ADGRG1: variants seen among roughly 807,000 people sequenced by gnomAD.
ADGRG1 encodes the protein 7-transmembrane protein with no EGF-like N-terminal domains-1.
A neutral mutation model predicts 73.5 loss-of-function variants in ADGRG1; 53 were observed. The ratio of observed to expected loss-of-function variants is 0.72; its 90% confidence interval spans 0.58 to 0.91. The LOEUF (loss-of-function observed/expected upper bound fraction) is 0.91. Ranked by LOEUF, ADGRG1 falls within the 40% of genes least tolerant of loss-of-function variation. The pLI is 0.00. For missense variants in ADGRG1, 795 were observed against 871.8 expected (o/e 0.91, Z 1.11); for synonymous variants, 394 against 374.4 (o/e 1.05, Z -0.60).
At chr16:57,635,449 T>C in intron 1 of ADGRG1, 3 of 985,366 alleles carry the variant, frequency 3.0e-6, no homozygotes, top group Non-Finnish European at 3.6e-6. Flanking sequence ...TTGCCAGCCA[T>C]GGTGGGGGAG....
Position 57,659,481 on chromosome 16 carries a change from C to G in ADGRG1, c.1355C>G (p.Thr452Arg). The G allele has an allele frequency of 6.2e-7, 1 of 1,613,766 alleles. No individual in the cohort carries two copies. The highest frequency in any genetic ancestry group is 8.5e-7 in the Non-Finnish European group (1 of 1,179,822). The change falls in exon 11 of 14, where the codon ACG (threonine) becomes AGG (arginine). Residue 452 changes from threonine (T) to arginine (R), a missense_variant. Coordinates refer to ENST00000562631, the MANE Select transcript of ADGRG1 (RefSeq NM_201525.4). ...NLLLAVFLLD[T>R]SFLLSEPVAL... Reference sequence around the variant, plus strand: ...CTGCTGGCCGTCTTCCTGCTGGACACGAGCTTCCTGCTCAGCGAGCCGGTG... The same window carrying G: ...CTGCTGGCCGTCTTCCTGCTGGACAGGAGCTTCCTGCTCAGCGAGCCGGTG...
intron 13 of ADGRG1, 70 bp from the exon 14 acceptor site, chr16:57,663,382 C>A (rs1344228303): frequency 1.9e-6 from 3 of 1,598,366 alleles, no homozygotes; most frequent in East Asian, 4.5e-5. Context: ...GTCACAATGG[C>A]TGGGGAGGGA....
At position 57,651,530 on chromosome 16, in the gene ADGRG1, G is replaced by GC. The variant is rs34819874; in HGVS notation, c.401dup (p.Leu135AlafsTer151). On this transcript the variant is annotated frameshift_variant, in exon 3 of 14. Coordinates refer to ENST00000562631, the MANE Select transcript of ADGRG1 (RefSeq NM_201525.4). LOFTEE classifies it high-confidence loss of function. ...CACCAGGAGGAGAGCCTGGCTCAGG[G>GC]CCCCCCGCTGTTAGCCACTTCTGTC... 1.2e-6 allele frequency: 2 copies of GC among 1,614,176 alleles called. No individual in the cohort carries two copies. Among genetic ancestry groups the GC allele is most frequent in the Non-Finnish European group, 8.5e-7 (1 of 1,180,038 alleles).
chr16:57,631,022 G>C lies in ADGRG1; in HGVS notation c.-36+2220G>C, dbSNP rs551893957. 3.0e-6 allele frequency: 3 copies of C among 986,048 alleles called. No individual in the cohort carries two copies. The African/African-American group carries it at 5.2e-5, about 17-fold the overall frequency. The allele number at this position is 986,048 out of a possible 1,614,324, so 61.1% of individuals were successfully genotyped here. A position where few individuals can be genotyped will look rare whatever the true frequency, so the allele number is the denominator to read the frequency against. Reference sequence around the variant, plus strand: ...GCCAGGCAGGTGCTGTGTGGGGCTGGGGGCCCAGGCTGCAAACCCAGCAGG... The same window carrying C: ...GCCAGGCAGGTGCTGTGTGGGGCTGCGGGCCCAGGCTGCAAACCCAGCAGG... On this transcript the variant is annotated intron_variant, in intron 1 of 13. Transcript: ENST00000562631.
At chr16:57,628,859 T>C (rs1462977276) in intron 1 of ADGRG1, 57 bp downstream of exon 1, 8 of 982,298 alleles carry the variant, frequency 8.1e-6, no homozygotes, top group Non-Finnish European at 9.7e-6. Flanking sequence ...AGTGTGAGAG[T>C]GTGAGTGTGT....
chr16:57,653,583 G>A (rs2044690630), intron 4 of ADGRG1: 1 of 985,172 alleles, frequency 1.0e-6, no homozygotes, highest in Non-Finnish European at 1.2e-6. Context: ...AGAAAGGATG[G>A]GTGGTCCACA....
intron 5 of ADGRG1, among the ~76,000 whole-genome samples, 160 bp downstream of exon 5, chr16:57,654,293 T>C (rs186330824): frequency 6.6e-6 from 1 of 152,098 alleles, no homozygotes; most frequent in East Asian, 1.9e-4. Context: ...AAGTCAGTAG[T>C]TCAACCGTGG....
chr16:57,659,274 G>A, intron 10 of ADGRG1, 139 bp from the exon 11 acceptor site: 1 of 1,534,208 alleles, frequency 6.5e-7, no homozygotes, highest in Non-Finnish European at 8.7e-7. Flanking sequence ...GCAGCCACAG[G>A]AATAGGATAG....
Position 57,630,361 on chromosome 16 carries a change from A to G in ADGRG1, c.-36+1559A>G, listed in dbSNP as rs2037445655. 5.1e-6 allele frequency: 5 copies of G among 985,366 alleles called. No homozygotes were observed. The Admixed American group carries it at 3.1e-4, about 61-fold the overall frequency. The allele number at this position is 985,366 out of a possible 1,614,324, so 61.0% of individuals were successfully genotyped here. On this transcript the variant is annotated intron_variant, in intron 1 of 13. Coordinates refer to ENST00000562631, the MANE Select transcript of ADGRG1 (RefSeq NM_201525.4). ...GTGTGGAATGAGCTCTTAGGGCCAG[A>G]CCTGACCCCTTCTTTGCTGCAGGGA...
intron 1 of ADGRG1, among the ~76,000 whole-genome samples, chr16:57,645,790 G>A (rs1241212766): frequency 6.6e-6 from 1 of 152,238 alleles, no homozygotes; most frequent in Non-Finnish European, 1.5e-5. Context: ...AGGCTTGGGA[G>A]CCTCTGATGT....
At chr16:57,646,191 G>A (rs1457657206) in intron 1 of ADGRG1, 2 of 167,158 alleles carry the variant, frequency 1.2e-5, no homozygotes, top group Non-Finnish European at 2.4e-5. Flanking sequence ...CTGAGGAAAT[G>A]GGTTTTCCAG....
chr16:57,646,315 G>A (rs1243270790), intron 1 of ADGRG1: 1 of 912,532 alleles, frequency 1.1e-6, no homozygotes, highest in East Asian at 1.2e-4. Context: ...GCAGGGCTGA[G>A]CCAGGTCTGG....
intron 1 of ADGRG1, chr16:57,636,733 C>G: frequency 1.0e-6 from 1 of 978,302 alleles, no homozygotes; most frequent in Non-Finnish European, 1.2e-6. Context: ...TTTACTCATC[C>G]AGCAGTCACT....
chr16:57,649,179 T>C (rs3859052), intron 1 of ADGRG1, among the ~76,000 whole-genome samples: 5,339 of 152,254 alleles, frequency 0.035, 213 homozygotes, highest in East Asian at 0.12. Flanking sequence ...CTCTGGACCC[T>C]GGGTACTGGC....
chr16:57,630,575 T>G, intron 1 of ADGRG1: 1 of 969,924 alleles, frequency 1.0e-6, no homozygotes, highest in Non-Finnish European at 1.2e-6. Flanking sequence ...GTGTGATCTG[T>G]GACGGACAGG....
intron 3 of ADGRG1, chr16:57,652,028 C>G: frequency 9.1e-7 from 1 of 1,099,298 alleles, no homozygotes; most frequent in Non-Finnish European, 1.1e-6. Context: ...TGTTTATTTC[C>G]TTTCACAGAG....
chr16:57,647,724 GC>G, intron 1 of ADGRG1: 1 of 925,398 alleles, frequency 1.1e-6, no homozygotes, highest in Non-Finnish European at 1.3e-6. Context: ...TGTTAATGGA[GC>G]CAGGGCTGTC....
upstream of ADGRG1, chr16:57,623,875 C>T (rs1020535905): frequency 2.0e-5 from 19 of 961,056 alleles, no homozygotes; most frequent in Non-Finnish European, 2.4e-5. Flanking sequence ...CCGCAAAACA[C>T]ATGGTCTGAG....
At chr16:57,624,037 T>G (rs2035375703), upstream of ADGRG1, 1 of 269,456 alleles carries the variant, frequency 3.7e-6, no homozygotes, top group African/African-American at 2.3e-5. Flanking sequence ...CTGCAAATGG[T>G]GGAGTTCTGG....
Sources: gnomAD v4.1 joint callset for allele counts (sites outside exome capture counted in the v4.1 genomes callset) on GRCh38, gnomAD v4.1.1 for gene constraint, MANE v1.5 for transcripts, NCBI Gene and HGNC (gene_info 2026-07-23, HGNC 2026-07-21) for gene names.